MLXIP: variants seen among roughly 807,000 people sequenced by gnomAD.
MLXIP encodes MLX-interacting protein.
Under a neutral mutation model 87.2 loss-of-function variants are expected in MLXIP, and 30 were observed. That is an observed-to-expected ratio of 0.34 (90% CI 0.26 to 0.47). MLXIP has a LOEUF of 0.47. Ranked by LOEUF, MLXIP falls within the 20% of genes least tolerant of loss-of-function variation. The pLI, the probability that MLXIP is intolerant of heterozygous loss-of-function variation, is 1.00. For synonymous variants in MLXIP, 530 were observed against 514.0 expected (o/e 1.03, Z -0.42); for missense variants, 1,002 against 1,240.1 (o/e 0.81, Z 2.88).
chr12:122,127,127 T>C (rs1345735194), intron 1 of MLXIP, 129 bp from the exon 2 acceptor site: 2 of 754,260 alleles, frequency 2.7e-6, no homozygotes, highest in East Asian at 2.7e-5. Context: ...CTGAATTCCA[T>C]GAAGCCGGGT....
intron 1 of MLXIP, among the ~76,000 whole-genome samples, chr12:122,123,468 G>T (rs1952818050): frequency 6.6e-6 from 1 of 152,188 alleles, no homozygotes; most frequent in Non-Finnish European, 1.5e-5. Flanking sequence ...GCTGAAGTCT[G>T]ACTGTGTTTG....
At chr12:122,089,082 T>G (rs1185830613) in intron 1 of MLXIP, among the ~76,000 whole-genome samples, 1 of 151,166 alleles carries the variant, frequency 6.6e-6, no homozygotes, top group East Asian at 1.9e-4. Flanking sequence ...CTGGGGAGGC[T>G]GGGGCAAAAG....
At chr12:122,128,159 C>T in intron 3 of MLXIP, 191 bp downstream of exon 3, 2 of 574,666 alleles carry the variant, frequency 3.5e-6, no homozygotes, top group Non-Finnish European at 6.3e-6. Flanking sequence ...CAGAGCCTCC[C>T]CCTTCTCAGA....
At chr12:122,088,847 A>T (rs1156370709) in intron 1 of MLXIP, among the ~76,000 whole-genome samples, 1 of 152,008 alleles carries the variant, frequency 6.6e-6, no homozygotes, top group East Asian at 1.9e-4. Context: ...TAGTTTTCGG[A>T]TATTCACCCA....
At chr12:122,085,337 T>A (rs981622219) in intron 1 of MLXIP, among the ~76,000 whole-genome samples, 1 of 152,124 alleles carries the variant, frequency 6.6e-6, no homozygotes, top group Non-Finnish European at 1.5e-5. Flanking sequence ...CCTAGGAGAT[T>A]AAGAATCATC....
chr12:122,124,161 AC>A (rs1952830398), intron 1 of MLXIP, among the ~76,000 whole-genome samples: 5 of 22,484 alleles, frequency 2.2e-4, no homozygotes, highest in East Asian at 1.3e-3. Flanking sequence ...GCTGTCCCCC[AC>A]CCTCAGCCGT....
At chr12:122,141,217 C>T (rs1286941820) in intron 16 of MLXIP, 134 bp downstream of exon 16, 16 of 1,318,496 alleles carry the variant, frequency 1.2e-5, no homozygotes, top group East Asian at 2.5e-5. Context: ...CAGTGCTGTC[C>T]AGGAGGTCCT....
rs1303666742 is a variant in MLXIP, at chr12:122,142,232, A to G, written c.*420A>G. 1.4e-6 allele frequency: 1 copy of G among 699,924 alleles called. No homozygotes were observed. The highest frequency in any genetic ancestry group is 1.5e-5 in the South Asian group (1 of 66,732). 43.4% of individuals were successfully genotyped at this position (699,924 alleles called of 1,614,324 possible). A position where few individuals can be genotyped will look rare whatever the true frequency, so the allele number is the denominator to read the frequency against. On this transcript the variant is annotated 3_prime_UTR_variant, in exon 17 of 17. Coordinates refer to ENST00000319080, the MANE Select transcript of MLXIP (RefSeq NM_014938.6). ...GTCCCTCCTGCCACGTCCTGTCCAC[A>G]TGCATGCCTCTGCCTGATGCCCTGC...
intron 1 of MLXIP, among the ~76,000 whole-genome samples, chr12:122,088,270 G>T (rs1952197340): frequency 6.6e-6 from 1 of 152,194 alleles, no homozygotes; most frequent in Non-Finnish European, 1.5e-5. Context: ...CCTGCGGGCT[G>T]TTTCTGCTCA....
At chr12:122,112,413 C>T (rs897899099) in intron 1 of MLXIP, among the ~76,000 whole-genome samples, 4 of 151,982 alleles carry the variant, frequency 2.6e-5, no homozygotes, top group African/African-American at 2.4e-5. Flanking sequence ...CCAAGGCAGG[C>T]GGATCACAAG....
chr12:122,129,867 G>A, intron 5 of MLXIP, 74 bp from the exon 6 acceptor site: 1 of 1,542,792 alleles, frequency 6.5e-7, no homozygotes, highest in African/African-American at 1.4e-5. Flanking sequence ...AATTTCCCCA[G>A]GTGACAGGCG....
At chr12:122,128,087 T>A in intron 3 of MLXIP, 119 bp downstream of exon 3, 1 of 884,034 alleles carries the variant, frequency 1.1e-6, no homozygotes, top group Non-Finnish European at 1.8e-6. Flanking sequence ...GCGCCTGCCC[T>A]GCGCCATCCA....
intron 1 of MLXIP, among the ~76,000 whole-genome samples, chr12:122,122,834 A>G (rs11057184): frequency 0.5 from 75,757 of 150,340 alleles, 19,523 homozygotes; most frequent in Middle Eastern, 0.63. Context: ...GGCGTGAGCT[A>G]CCGTGCCCGG....
Position 122,133,291 on chromosome 12 carries a change from T to C in MLXIP, c.1093-57T>C. On this transcript the variant is annotated intron_variant, in intron 8 of 16. Coordinates refer to ENST00000319080, the MANE Select transcript of MLXIP (RefSeq NM_014938.6). The surrounding 1 kb of genome is among the most constrained non-coding windows in gnomAD (Gnocchi z 4.9). The stretch of plus-strand genomic sequence containing the variant: ...AGTTGGACTTGGCAGTGTGCAGCGC[T>C]AGAAAGGAATTGTCTGACCCCAGCA... The C allele has an allele frequency of 6.6e-7, 1 of 1,511,144 alleles. No homozygotes were observed. The highest frequency in any genetic ancestry group is 1.3e-5 in the South Asian group (1 of 76,318). 93.6% of individuals were successfully genotyped at this position (1,511,144 alleles called of 1,614,324 possible).
chr12:122,112,130 C>A (rs1017761113), intron 1 of MLXIP, among the ~76,000 whole-genome samples: 4 of 152,050 alleles, frequency 2.6e-5, no homozygotes, highest in Admixed American at 1.3e-4. Context: ...GATGGCAGCA[C>A]AGGATTGGAC....
At chr12:122,111,563 C>T (rs1565970969) in intron 1 of MLXIP, among the ~76,000 whole-genome samples, 1 of 152,170 alleles carries the variant, frequency 6.6e-6, no homozygotes, top group Admixed American at 6.5e-5. Flanking sequence ...TTCCCTGCTG[C>T]CTGTGGCTTA....
Position 122,133,785 on chromosome 12 carries a change from C to T in MLXIP, c.1530C>T (p.Thr510=), listed in dbSNP as rs1014562066. ...GCCAGAGTCAGGGCCTTGTGATCAC[C>T]ACCCATCACCCTGCCCCGTCAGCGG... ...TFSQSQGLVI[T]THHPAPSAAP... The change falls in exon 9 of 17, where the codon ACC becomes ACT. Residue 510 remains threonine, a synonymous_variant. Transcript: ENST00000319080. The surrounding 1 kb of genome is among the most constrained non-coding windows in gnomAD (Gnocchi z 4.9). The T allele has an allele frequency of 2.5e-6, 4 of 1,613,300 alleles. No homozygotes were observed. Among genetic ancestry groups the T allele is most frequent in the Middle Eastern group, 1.7e-4 (1 of 6,060 alleles).
Position 122,138,426 on chromosome 12 carries a change from C to A in MLXIP, c.2259C>A (p.Thr753=). The A allele has an allele frequency of 6.2e-7, 1 of 1,613,612 alleles. No homozygotes were observed. Among genetic ancestry groups the A allele is most frequent in the Non-Finnish European group, 8.5e-7 (1 of 1,179,748 alleles). The stretch of plus-strand genomic sequence containing the variant: ...CCAGCCACCTGCCCCTTCTGCAGAC[C>A]AGTCACGCCATCACACTGCAGAAGA... ...NSLISNNSKL[T]SHAITLQKTV... Residue 753 remains threonine, a splice_region_variant and synonymous_variant, in exon 14 of 17, where the codon ACC becomes ACA. Coordinates refer to ENST00000319080, the MANE Select transcript of MLXIP (RefSeq NM_014938.6).
At chr12:122,118,845 C>CA (rs34776887) in intron 1 of MLXIP, among the ~76,000 whole-genome samples, 68,941 of 134,856 alleles carry the variant, frequency 0.51, 17,770 homozygotes, top group Middle Eastern at 0.63. Flanking sequence ...ACTCCCATCT[C>CA]AAAAAAAAAA....
Sources: allele counts gnomAD v4.1 joint callset (sites outside exome capture counted in the v4.1 genomes callset), GRCh38; gene constraint gnomAD v4.1.1; non-coding constraint Gnocchi (gnomAD v3.1); transcripts MANE v1.5; gene names NCBI Gene and HGNC (gene_info 2026-07-23, HGNC 2026-07-21).